LRRC4C: variants seen among roughly 807,000 people sequenced by gnomAD.
The protein encoded by LRRC4C is leucine-rich repeat-containing protein 4C.
Under a neutral mutation model 33.6 loss-of-function variants are expected in LRRC4C, and 5 were observed. The observed-to-expected ratio is 0.15, with a 90% CI of 0.08 to 0.31. The LOEUF is 0.31. LRRC4C is among the 10% of genes least tolerant of loss of function. The pLI is 1.00. For missense variants in LRRC4C, 560 were observed against 796.7 expected (o/e 0.70, Z 3.58); for synonymous variants, 329 against 302.0 (o/e 1.09, Z -0.93).
chr11:40,300,131 A>G (rs1944699796), intron 4 of LRRC4C, among the ~76,000 whole-genome samples: 1 of 152,108 alleles, frequency 6.6e-6, no homozygotes, highest in Non-Finnish European at 1.5e-5. Context: ...GGTGCTACTG[A>G]CTTTTAAATG....
At chr11:40,330,672 C>T (rs1381740207) in intron 3 of LRRC4C, among the ~76,000 whole-genome samples, 1 of 152,010 alleles carries the variant, frequency 6.6e-6, no homozygotes, top group Non-Finnish European at 1.5e-5. Flanking sequence ...GGGGGAAAAG[C>T]CCCTTATAAA....
At chr11:40,911,404 G>T (rs965660582) in intron 2 of LRRC4C, among the ~76,000 whole-genome samples, 1 of 152,154 alleles carries the variant, frequency 6.6e-6, no homozygotes, top group African/African-American at 2.4e-5. Context: ...CCGCTGTTCT[G>T]CATCCTCTGA....
At chr11:41,286,278 AAC>A (rs1949825527) in intron 1 of LRRC4C, among the ~76,000 whole-genome samples, 1 of 152,188 alleles carries the variant, frequency 6.6e-6, no homozygotes, top group Non-Finnish European at 1.5e-5. Context: ...ATAATCTTTA[AAC>A]ACAGAAGTAT....
At chr11:40,361,752 G>GA (rs1947961705) in intron 3 of LRRC4C, among the ~76,000 whole-genome samples, 2 of 152,094 alleles carry the variant, frequency 1.3e-5, no homozygotes, top group Non-Finnish European at 2.9e-5. Context: ...CACAGAACTA[G>GA]AAAAAACTAT....
At position 40,443,030 on chromosome 11, in the gene LRRC4C, C is replaced by T. The variant is rs550025892; in HGVS notation, c.-269-123309G>A. 1.0e-3 allele frequency among the ~76,000 whole-genome samples: 158 copies of T among 152,276 alleles called. 1 individual carries two copies. The highest frequency in any genetic ancestry group is 3.7e-3 in the African/African-American group (153 of 41,560). Reference sequence around the variant, plus strand: ...CCTATACATGTCCAAAGTTATCCCACTGGAAATTAATCTCATTACATGTTT... The same window carrying T: ...CCTATACATGTCCAAAGTTATCCCATTGGAAATTAATCTCATTACATGTTT... On this transcript the variant is annotated intron_variant, in intron 3 of 6. Transcript: ENST00000528697.
intron 3 of LRRC4C, among the ~76,000 whole-genome samples, chr11:40,580,400 C>G (rs1032701509): frequency 6.6e-6 from 1 of 152,104 alleles, no homozygotes; most frequent in African/African-American, 2.4e-5. Context: ...TTCCCGTGAT[C>G]AAATCACCTC....
In LRRC4C at chr11:41,122,213, C is replaced by G. The variant is rs150914127; in HGVS notation, c.-495-188490G>C. Among the ~76,000 whole-genome samples the G allele has an allele frequency of 2.1e-3, 320 of 152,182 alleles. 1 individual carries two copies. Among genetic ancestry groups the G allele is most frequent in the Non-Finnish European group, 3.7e-3 (254 of 67,988 alleles). On this transcript the variant is annotated intron_variant, in intron 1 of 6. Transcript: ENST00000528697. ...ACTCTAGACACATCTAGGATTTCAG[C>G]CTTTGGTCAAGTAACAGTTTAACTC...
chr11:40,153,601 T>G (rs1256533411), intron 5 of LRRC4C, among the ~76,000 whole-genome samples: 1 of 149,500 alleles, frequency 6.7e-6, no homozygotes, highest in East Asian at 2.0e-4. Flanking sequence ...AAAAAAACAA[T>G]AAAAAATTCA....
chr11:40,791,020 A>G (rs1234283678), intron 2 of LRRC4C, among the ~76,000 whole-genome samples: 1 of 152,140 alleles, frequency 6.6e-6, no homozygotes. Context: ...TCCACACAAT[A>G]TGAGCTGCAT....
At chr11:40,258,217 T>C (rs1347888014) in intron 4 of LRRC4C, among the ~76,000 whole-genome samples, 1 of 152,192 alleles carries the variant, frequency 6.6e-6, no homozygotes, top group Non-Finnish European at 1.5e-5. Flanking sequence ...TCTTCACGTT[T>C]GGATTTGGAT....
At chr11:41,407,650 A>G (rs1036695377) in intron 1 of LRRC4C, among the ~76,000 whole-genome samples, 1 of 152,212 alleles carries the variant, frequency 6.6e-6, no homozygotes, top group Non-Finnish European at 1.5e-5. Flanking sequence ...TATAGAAAAC[A>G]CAGGAAATAT....
At chr11:40,500,612 A>G (rs1590930264) in intron 3 of LRRC4C, among the ~76,000 whole-genome samples, 1 of 151,932 alleles carries the variant, frequency 6.6e-6, no homozygotes, top group South Asian at 2.1e-4. Context: ...AAACCATGAG[A>G]TCTCATGAGA....
At chr11:40,371,880 C>T (rs576466159) in intron 3 of LRRC4C, among the ~76,000 whole-genome samples, 1 of 152,108 alleles carries the variant, frequency 6.6e-6, no homozygotes, top group Non-Finnish European at 1.5e-5. Flanking sequence ...TTATGCCTGA[C>T]AGGTTCATAG....
intron 1 of LRRC4C, among the ~76,000 whole-genome samples, chr11:41,251,034 A>T (rs942913040): frequency 7.2e-5 from 11 of 152,214 alleles, no homozygotes; most frequent in Non-Finnish European, 1.5e-4. Flanking sequence ...GTAGACCACT[A>T]ATGTATCTAT....
intron 3 of LRRC4C, among the ~76,000 whole-genome samples, chr11:40,637,777 T>C (rs1213989897): frequency 6.6e-6 from 1 of 152,178 alleles, no homozygotes; most frequent in Non-Finnish European, 1.5e-5. Flanking sequence ...ATTAGAGCAA[T>C]AGTCTGCTAA....
intron 1 of LRRC4C, among the ~76,000 whole-genome samples, chr11:41,383,081 A>G (rs1008367881): frequency 1.3e-5 from 2 of 152,080 alleles, no homozygotes; most frequent in African/African-American, 4.8e-5. Flanking sequence ...GAACTACAGG[A>G]CACCAAGACA....
At position 40,687,204 on chromosome 11, in the gene LRRC4C, G is replaced by T. The variant is rs183824608; in HGVS notation, c.-406-38926C>A. Among the ~76,000 whole-genome samples the T allele has an allele frequency of 9.6e-4, 146 of 152,152 alleles. 1 individual carries two copies. The highest frequency in any genetic ancestry group is 3.4e-3 in the African/African-American group (141 of 41,512). The stretch of plus-strand genomic sequence containing the variant: ...AGATAATTTATATACAATGCCCAAA[G>T]TCACACAACTGGCAAATAATGGAGC... On this transcript the variant is annotated intron_variant, in intron 2 of 6. Coordinates refer to ENST00000528697, the MANE Select transcript of LRRC4C (RefSeq NM_001258419.2).
intron 2 of LRRC4C, among the ~76,000 whole-genome samples, chr11:40,776,683 G>T (rs544634762): frequency 6.6e-6 from 1 of 151,804 alleles, no homozygotes; most frequent in Admixed American, 6.6e-5. Flanking sequence ...GAAATTTTTG[G>T]TTTGGTTAAC....
At chr11:41,270,173 C>G (rs1442305071) in intron 1 of LRRC4C, among the ~76,000 whole-genome samples, 2 of 151,990 alleles carry the variant, frequency 1.3e-5, no homozygotes, top group Non-Finnish European at 2.9e-5. Context: ...TATTATCACA[C>G]CTGGGAAATA....
Sources: gnomAD v4.1 joint callset for allele counts (sites outside exome capture counted in the v4.1 genomes callset) on GRCh38, gnomAD v4.1.1 for gene constraint, MANE v1.5 for transcripts, NCBI Gene and HGNC (gene_info 2026-07-23, HGNC 2026-07-21) for gene names.